TLN2: variants seen among roughly 807,000 people sequenced by gnomAD.
The protein encoded by TLN2 is talin 2.
A neutral mutation model predicts 294.7 loss-of-function variants in TLN2; 118 were observed. The observed-to-expected ratio is 0.40, with a 90% CI of 0.34 to 0.47. The LOEUF (loss-of-function observed/expected upper bound fraction) is 0.47. TLN2 is among the 20% of genes least tolerant of loss of function. The pLI is 0.84. For missense variants in TLN2, 3,083 were observed against 3,282.2 expected (o/e 0.94, Z 1.48); for synonymous variants, 1,431 against 1,304.5 (o/e 1.10, Z -2.09).
At chr15:62,455,506 T>A (rs901198210) in intron 1 of TLN2, among the ~76,000 whole-genome samples, 7 of 152,204 alleles carry the variant, frequency 4.6e-5, no homozygotes, top group Non-Finnish European at 8.8e-5. Context: ...GTTTGTTTTT[T>A]TAACCACTGG....
intron 1 of TLN2, among the ~76,000 whole-genome samples, chr15:62,416,961 C>T (rs963385579): frequency 2.0e-5 from 3 of 152,174 alleles, no homozygotes; most frequent in Non-Finnish European, 4.4e-5. Flanking sequence ...GCCATTTCTC[C>T]GCTTCCTATC....
chr15:62,539,454 C>T (rs1478499511), intron 1 of TLN2, among the ~76,000 whole-genome samples: 1 of 152,060 alleles, frequency 6.6e-6, no homozygotes, highest in African/African-American at 2.4e-5. Flanking sequence ...TGATAGTGCA[C>T]CTTCACTGGG....
chr15:62,738,360 A>T lies in TLN2; in HGVS notation c.3687+27A>T, dbSNP rs144392140. On this transcript the variant is annotated intron_variant, in intron 30 of 58. Transcript: ENST00000636159. ...TGAGAGGTTCTTAGATTGAGAAAGG[A>T]CACTGGGGGACTAGGCTCGCGTTAG... 9.3e-6 allele frequency: 15 copies of T among 1,612,632 alleles called. No homozygotes were observed. The African/African-American group carries it at 2.0e-4, about 22-fold the overall frequency.
rs549840904 is a variant in TLN2 at position 62,708,487 on chromosome 15, C to T, written c.2173-15C>T. On this transcript the variant is annotated splice_polypyrimidine_tract_variant and intron_variant, in intron 20 of 58. Transcript: ENST00000636159. ...TCAACCACAGTGCCCAAAACCTGTTCCTGTCTCACTTCAGGTTGTGAGCCC... is the reference window on the plus strand; with the variant it reads ...TCAACCACAGTGCCCAAAACCTGTTTCTGTCTCACTTCAGGTTGTGAGCCC... The T allele has an allele frequency of 6.2e-7, 1 of 1,609,086 alleles. No individual in the cohort carries two copies. Among genetic ancestry groups the T allele is most frequent in the East Asian group, 2.2e-5 (1 of 44,706 alleles).
chr15:62,576,972 C>G (rs560108099), intron 1 of TLN2, among the ~76,000 whole-genome samples: 1 of 152,258 alleles, frequency 6.6e-6, no homozygotes, highest in South Asian at 2.1e-4. Flanking sequence ...TGCCCATGGT[C>G]ACCTGGCCAG....
chr15:62,522,426 G>A (rs78345299), intron 1 of TLN2, among the ~76,000 whole-genome samples: 6,105 of 152,228 alleles, frequency 0.04, 182 homozygotes, highest in African/African-American at 0.081. Context: ...GTCCATTCTC[G>A]TGGATGAAAT....
chr15:62,742,843 GCAGAGACTC>G (rs2061417372), intron 32 of TLN2, among the ~76,000 whole-genome samples: 1 of 152,184 alleles, frequency 6.6e-6, no homozygotes, highest in African/African-American at 2.4e-5. Flanking sequence ...CTGTTTCTCA[GCAGAGACTC>G]CAGCCAGGTC....
At chr15:62,502,234 G>C (rs1373884796) in intron 1 of TLN2, among the ~76,000 whole-genome samples, 1 of 152,132 alleles carries the variant, frequency 6.6e-6, no homozygotes, top group Non-Finnish European at 1.5e-5. Context: ...AATATGTATT[G>C]TTTTTCTAGG....
chr15:62,507,746 T>C (rs2039701526), intron 1 of TLN2, among the ~76,000 whole-genome samples: 1 of 152,244 alleles, frequency 6.6e-6, no homozygotes, highest in Non-Finnish European at 1.5e-5. Flanking sequence ...AATTGAGTTG[T>C]CTTCCCAAGG....
At chr15:62,620,143 T>G (rs377050897) in intron 3 of TLN2, among the ~76,000 whole-genome samples, 1 of 152,018 alleles carries the variant, frequency 6.6e-6, no homozygotes, top group African/African-American at 2.4e-5. Flanking sequence ...ACCGGCTATT[T>G]TTTTTATTTT....
chr15:62,833,886 C>G, intron 55 of TLN2: 1 of 395,380 alleles, frequency 2.5e-6, no homozygotes, highest in Middle Eastern at 6.4e-4. Flanking sequence ...GGGGCCTGAA[C>G]GAGATATTTA....
At chr15:62,698,719 G>A (rs1401323516) in intron 15 of TLN2, 35 bp from the exon 16 acceptor site, 6 of 1,574,156 alleles carry the variant, frequency 3.8e-6, no homozygotes, top group Non-Finnish European at 5.2e-6. Context: ...TCCCAGGCGT[G>A]TGGGATGACA....
At chr15:62,552,576 G>T (rs1045377154) in intron 1 of TLN2, among the ~76,000 whole-genome samples, 19 of 152,122 alleles carry the variant, frequency 1.2e-4, no homozygotes, top group Non-Finnish European at 8.8e-5. Flanking sequence ...GGGTGATTTT[G>T]CTGTTTAAAA....
intron 54 of TLN2, among the ~76,000 whole-genome samples, chr15:62,827,152 G>A (rs1489627988): frequency 1.3e-5 from 2 of 152,168 alleles, no homozygotes; most frequent in Non-Finnish European, 2.9e-5. Context: ...CAAGTTCATT[G>A]GCGGAAGGAG....
intron 1 of TLN2, among the ~76,000 whole-genome samples, chr15:62,557,009 C>T (rs1273514035): frequency 6.6e-6 from 1 of 152,144 alleles, no homozygotes; most frequent in Non-Finnish European, 1.5e-5. Context: ...TATGATTGAT[C>T]AAAAACAGAT....
intron 1 of TLN2, among the ~76,000 whole-genome samples, chr15:62,581,235 AG>A (rs1284606860): frequency 6.6e-6 from 1 of 152,024 alleles, no homozygotes; most frequent in Non-Finnish European, 1.5e-5. Flanking sequence ...AATGTCATCG[AG>A]TTGGAATTGT....
At chr15:62,741,901 T>G (rs545123396) in intron 32 of TLN2, among the ~76,000 whole-genome samples, 1 of 152,094 alleles carries the variant, frequency 6.6e-6, no homozygotes, top group South Asian at 2.1e-4. Context: ...GTCTAAACTT[T>G]CCCATCTGCA....
At chr15:62,781,089 C>T (rs767375295) in intron 43 of TLN2, 51 bp from the exon 44 acceptor site, 6 of 1,389,850 alleles carry the variant, frequency 4.3e-6, no homozygotes, top group African/African-American at 2.9e-5. Flanking sequence ...ATACAGTCTA[C>T]ACTTCAGCAG....
chr15:62,657,881 C>G lies in TLN2; in HGVS notation c.771C>G (p.His257Gln), dbSNP rs746682503. ...IQFGPHVEHKHKPGFLDLKEF... is the reference protein window; with the variant it reads ...IQFGPHVEHKQKPGFLDLKEF... The stretch of plus-strand genomic sequence containing the variant: ...TTGGACCTCATGTGGAACATAAACA[C>G]AAACCTGGATTTTTAGAGTAAATGA... The change falls in exon 9 of 59, where the codon CAC becomes CAG. Residue 257 changes from histidine to glutamine, a missense_variant. Transcript: ENST00000636159. The G allele has an allele frequency of 1.9e-6, 3 of 1,612,684 alleles. No homozygotes were observed. The South Asian group carries it at 3.3e-5, about 18-fold the overall frequency.
Sources: gnomAD v4.1 joint callset for allele counts (sites outside exome capture counted in the v4.1 genomes callset) on GRCh38, gnomAD v4.1.1 for gene constraint, MANE v1.5 for transcripts, NCBI Gene and HGNC (gene_info 2026-07-23, HGNC 2026-07-21) for gene names.